HSD17B12: variants seen among roughly 807,000 people sequenced by gnomAD.
HSD17B12 encodes hydroxysteroid 17-beta dehydrogenase 12, also known as very-long-chain 3-oxoacyl-CoA reductase.
HSD17B12 carries 32 observed loss-of-function variants against 39.3 expected under a neutral mutation model. The observed-to-expected ratio is 0.81, with a 90% CI of 0.61 to 1.09. HSD17B12 has a LOEUF of 1.09. Ranked by LOEUF, HSD17B12 falls within the 50% of genes least tolerant of loss-of-function variation. The probability of loss-of-function intolerance (pLI) is 0.00; values close to 1 mark genes in which losing one functional copy is unlikely to be tolerated. For missense variants in HSD17B12, 342 were observed against 382.9 expected, an observed-to-expected ratio of 0.89 and a Z score of 0.89; for synonymous variants, 150 against 146.7, an observed-to-expected ratio of 1.02 and a Z score of -0.16.
the HSD17B12 span, among the ~76,000 whole-genome samples, chr11:43,571,716 A>AT: frequency 2.0e-5 from 3 of 152,130 alleles, no homozygotes; most frequent in African/African-American, 7.2e-5. Context: ...CCAAAAAAAA[A>AT]GGGGGAAGGG....
intron 3 of HSD17B12, among the ~76,000 whole-genome samples, chr11:43,776,263 C>CCTGTTGT (rs1386372037): frequency 6.6e-6 from 1 of 152,106 alleles, no homozygotes; most frequent in Non-Finnish European, 1.5e-5. Context: ...CTCTCCAGCA[C>CCTGTTGT]CTGTTGTTTC....
chr11:43,566,128 G>A, the HSD17B12 span, among the ~76,000 whole-genome samples: 3 of 152,218 alleles, frequency 2.0e-5, no homozygotes, highest in African/African-American at 7.2e-5. Flanking sequence ...CAACTTGAAT[G>A]TAGAAATTGT....
At chr11:43,650,410 A>C in the HSD17B12 span, among the ~76,000 whole-genome samples, 1 of 152,196 alleles carries the variant, frequency 6.6e-6, no homozygotes, top group African/African-American at 2.4e-5. Flanking sequence ...TTAGAGCAAC[A>C]ATAAAGTATC....
chr11:43,737,133 TG>T (rs778502680), intron 1 of HSD17B12, among the ~76,000 whole-genome samples: 26 of 152,324 alleles, frequency 1.7e-4, no homozygotes, highest in Admixed American at 4.6e-4. Context: ...AGAAGGAACC[TG>T]TTTGGAATAA....
At chr11:43,791,736 G>A (rs1950869808) in intron 3 of HSD17B12, among the ~76,000 whole-genome samples, 1 of 152,110 alleles carries the variant, frequency 6.6e-6, no homozygotes, top group African/African-American at 2.4e-5. Context: ...TCAAAAGGAT[G>A]GAGCCTATTC....
chr11:43,691,115 C>G (rs1417101527), intron 1 of HSD17B12, among the ~76,000 whole-genome samples: 1 of 152,150 alleles, frequency 6.6e-6, no homozygotes, highest in Non-Finnish European at 1.5e-5. Context: ...CTTATTTTTG[C>G]TAATTATGTC....
At chr11:43,759,991 G>C (rs182776402) in intron 3 of HSD17B12, among the ~76,000 whole-genome samples, 4 of 151,928 alleles carry the variant, frequency 2.6e-5, no homozygotes, top group African/African-American at 9.7e-5. Flanking sequence ...CGTCTCCCAG[G>C]TTCAAGCAAT....
the HSD17B12 span, among the ~76,000 whole-genome samples, chr11:43,587,733 T>A: frequency 6.6e-6 from 1 of 152,194 alleles, no homozygotes; most frequent in African/African-American, 2.4e-5. Flanking sequence ...CTAAGTATTC[T>A]TGGTAAAGTC....
chr11:43,840,205 C>A (rs1001066913), intron 9 of HSD17B12, 141 bp downstream of exon 9: 20 of 620,930 alleles, frequency 3.2e-5, no homozygotes, highest in South Asian at 1.7e-4. Flanking sequence ...AACGTGGTTT[C>A]TTTTTCCTTA....
the HSD17B12 span, among the ~76,000 whole-genome samples, chr11:43,675,627 C>T: frequency 6.6e-6 from 1 of 151,526 alleles, no homozygotes; most frequent in South Asian, 2.1e-4. Context: ...AAAAAACCCT[C>T]TAGTTGCTAC....
chr11:43,577,185 T>C, the HSD17B12 span, among the ~76,000 whole-genome samples: 1 of 152,204 alleles, frequency 6.6e-6, no homozygotes, highest in African/African-American at 2.4e-5. Flanking sequence ...GAAAATGCCT[T>C]GGTCCTCAGT....
chr11:43,760,099 T>C (rs1001389506), intron 3 of HSD17B12, among the ~76,000 whole-genome samples: 4 of 152,124 alleles, frequency 2.6e-5, no homozygotes, highest in African/African-American at 9.7e-5. Context: ...GGTTTCACCA[T>C]ATTGGCTAGG....
intron 1 of HSD17B12, among the ~76,000 whole-genome samples, chr11:43,715,825 A>G (rs1333314598): frequency 6.6e-6 from 1 of 152,156 alleles, no homozygotes; most frequent in East Asian, 1.9e-4. Flanking sequence ...TTTCATTTTA[A>G]TTAAAAATTA....
intron 3 of HSD17B12, among the ~76,000 whole-genome samples, 176 bp from the exon 4 acceptor site, chr11:43,798,143 AC>A (rs1427926121): frequency 6.6e-6 from 1 of 152,122 alleles, no homozygotes; most frequent in Non-Finnish European, 1.5e-5. Context: ...TAATGTGTTG[AC>A]TCTATATCAT....
intron 6 of HSD17B12, among the ~76,000 whole-genome samples, chr11:43,824,431 A>C (rs2135097276): frequency 6.6e-6 from 1 of 152,306 alleles, no homozygotes. Context: ...AAAGAGCATA[A>C]ACTTATTTCT....
At chr11:43,779,325 G>T (rs1326106075) in intron 3 of HSD17B12, among the ~76,000 whole-genome samples, 1 of 152,142 alleles carries the variant, frequency 6.6e-6, no homozygotes, top group Non-Finnish European at 1.5e-5. Flanking sequence ...ACTGATCCTA[G>T]TTACTAATTA....
chr11:43,828,860 G>C (rs1951277454), intron 6 of HSD17B12, among the ~76,000 whole-genome samples: 1 of 152,138 alleles, frequency 6.6e-6, no homozygotes, highest in African/African-American at 2.4e-5. Flanking sequence ...AATTTAATTT[G>C]ATCTGAATAT....
intron 3 of HSD17B12, among the ~76,000 whole-genome samples, chr11:43,795,141 G>A (rs1322787426): frequency 6.6e-6 from 1 of 152,066 alleles, no homozygotes; most frequent in African/African-American, 2.4e-5. Flanking sequence ...TAAAGTTAGA[G>A]GATTCTTGTC....
chr11:43,805,217 A>T (rs567437710), intron 4 of HSD17B12, among the ~76,000 whole-genome samples: 2 of 152,184 alleles, frequency 1.3e-5, no homozygotes, highest in Non-Finnish European at 2.9e-5. Context: ...TCTCAATGTT[A>T]TAAATAGTTT....
Sources: gnomAD v4.1 joint callset for allele counts (sites outside exome capture counted in the v4.1 genomes callset) on GRCh38, gnomAD v4.1.1 for gene constraint, MANE v1.5 for transcripts, NCBI Gene and HGNC (gene_info 2026-07-23, HGNC 2026-07-21) for gene names.